MEI4: variants seen among roughly 807,000 people sequenced by gnomAD.
The protein encoded by MEI4 is meiotic double-stranded break formation protein 4.
A neutral mutation model predicts 31.4 loss-of-function variants in MEI4; 27 were observed. That is an observed-to-expected ratio of 0.86 (90% CI 0.63 to 1.19). The LOEUF is 1.19. MEI4 is among the 50% of genes most tolerant of loss of function. MEI4 has a pLI of 0.00. For synonymous variants in MEI4, 122 were observed against 145.4 expected, an observed-to-expected ratio of 0.84 and a Z score of 1.16; for missense variants, 329 against 398.9, an observed-to-expected ratio of 0.82 and a Z score of 1.49.
intron 3 of MEI4, among the ~76,000 whole-genome samples, chr6:77,809,736 T>G (rs1304578503): frequency 6.6e-6 from 1 of 152,186 alleles, no homozygotes; most frequent in African/African-American, 2.4e-5. Context: ...ACTAACTGGT[T>G]AATATTAGGG....
At chr6:77,685,929 T>C (rs1181041471) in intron 1 of MEI4, among the ~76,000 whole-genome samples, 1 of 152,154 alleles carries the variant, frequency 6.6e-6, no homozygotes, top group Non-Finnish European at 1.5e-5. Context: ...TGGAATGTGA[T>C]CTTCAAGATT....
chr6:77,670,168 T>TA (rs1411180884), intron 1 of MEI4, among the ~76,000 whole-genome samples: 1 of 152,144 alleles, frequency 6.6e-6, no homozygotes. Context: ...AATTTGCACA[T>TA]ACTGGTTTGA....
intron 3 of MEI4, among the ~76,000 whole-genome samples, chr6:77,818,388 C>T (rs1414300813): frequency 1.3e-5 from 2 of 152,020 alleles, no homozygotes; most frequent in African/African-American, 4.8e-5. Flanking sequence ...TTATATCAGT[C>T]CAATTGATTT....
At chr6:77,837,989 T>TG (rs1273557428) in intron 4 of MEI4, among the ~76,000 whole-genome samples, 3 of 152,174 alleles carry the variant, frequency 2.0e-5, no homozygotes, top group African/African-American at 7.2e-5. Context: ...ATACAGTTTT[T>TG]GGGGGTCTCA....
chr6:77,866,078 C>T (rs557198813), intron 4 of MEI4, among the ~76,000 whole-genome samples: 66 of 151,280 alleles, frequency 4.4e-4, no homozygotes, highest in African/African-American at 1.6e-3. Flanking sequence ...TGGGACGTAC[C>T]TCAAAATAAT....
At chr6:77,756,156 T>C (rs531253729) in intron 2 of MEI4, among the ~76,000 whole-genome samples, 8 of 152,302 alleles carry the variant, frequency 5.3e-5, no homozygotes, top group Middle Eastern at 6.8e-3. Flanking sequence ...GACAAGGATA[T>C]ATTAGTCTAT....
intron 2 of MEI4, among the ~76,000 whole-genome samples, chr6:77,741,989 T>G (rs1440262289): frequency 6.6e-6 from 1 of 152,082 alleles, no homozygotes; most frequent in African/African-American, 2.4e-5. Flanking sequence ...ATGGTGTATA[T>G]GTGCCACATT....
intron 4 of MEI4, among the ~76,000 whole-genome samples, chr6:77,882,764 A>G (rs766279970): frequency 2.0e-4 from 31 of 152,190 alleles, no homozygotes; most frequent in Non-Finnish European, 4.1e-4. Flanking sequence ...GTAGTATTAA[A>G]TATATTATCT....
chr6:77,770,247 A>G (rs987982302), intron 3 of MEI4, among the ~76,000 whole-genome samples: 3 of 152,052 alleles, frequency 2.0e-5, no homozygotes, highest in African/African-American at 7.2e-5. Context: ...TTCCTAACAT[A>G]TACAACCTAC....
intron 4 of MEI4, among the ~76,000 whole-genome samples, chr6:77,903,058 G>T (rs1336513082): frequency 2.6e-5 from 4 of 151,878 alleles, no homozygotes; most frequent in Non-Finnish European, 4.4e-5. Context: ...GAGTCTTCAG[G>T]GTTTTCTATA....
rs549172288 is a variant in MEI4 at position 77,734,312 on chromosome 6, T to C, written c.233-26818T>C. On this transcript the variant is annotated intron_variant, in intron 2 of 4. Coordinates refer to ENST00000684080, the MANE Select transcript of MEI4 (RefSeq NM_001322247.2). Reference sequence around the variant, plus strand: ...CTTGCTTTATGAATCTGGGTGCTCCTGTATTGGGATATATATTTAGGATAT... The same window carrying C: ...CTTGCTTTATGAATCTGGGTGCTCCCGTATTGGGATATATATTTAGGATAT... 2.2e-4 allele frequency among the ~76,000 whole-genome samples: 33 copies of C among 152,216 alleles called. No individual in the cohort carries two copies. In the South Asian group the frequency reaches 6.0e-3, roughly 28 times the overall value.
intron 4 of MEI4, among the ~76,000 whole-genome samples, chr6:77,874,774 T>C (rs4706659): frequency 0.82 from 124,792 of 151,930 alleles, 51,726 homozygotes; most frequent in East Asian, 0.95. Flanking sequence ...TTTTGAGATA[T>C]GTCCCATCAG....
chr6:77,826,531 T>C (rs1380065406), intron 3 of MEI4, among the ~76,000 whole-genome samples: 1 of 152,236 alleles, frequency 6.6e-6, no homozygotes, highest in Non-Finnish European at 1.5e-5. Flanking sequence ...AGCCTTATGA[T>C]TACTTGAAAT....
chr6:77,792,334 G>A (rs751175065), intron 3 of MEI4, among the ~76,000 whole-genome samples: 5 of 152,080 alleles, frequency 3.3e-5, no homozygotes, highest in African/African-American at 7.2e-5. Context: ...TGTCTGGATC[G>A]TATGACAGTT....
At chr6:77,791,564 G>C (rs920047301) in intron 3 of MEI4, among the ~76,000 whole-genome samples, 22 of 149,428 alleles carry the variant, frequency 1.5e-4, no homozygotes, top group African/African-American at 5.4e-4. Context: ...ATAGCATTGG[G>C]AGATATACCT....
rs79684505 is a variant in MEI4, at chr6:77,876,506, CA to C, written c.901-46576del. 8.1e-3 allele frequency among the ~76,000 whole-genome samples: 1,233 copies of C among 152,098 alleles called. 47 individuals carry two copies. In the East Asian group the frequency reaches 0.14, roughly 17 times the overall value. ...CTTCCCAGCCTCCAGAATCATGAGT[CA>C]AAAAAACTTCTGTTCTTTATAAATT... On this transcript the variant is annotated intron_variant, in intron 4 of 4. Transcript: ENST00000684080.
intron 4 of MEI4, among the ~76,000 whole-genome samples, chr6:77,830,020 G>C (rs1770041271): frequency 1.3e-5 from 2 of 151,886 alleles, no homozygotes; most frequent in African/African-American, 4.8e-5. Flanking sequence ...CATTTTCACT[G>C]TTATCAAGGA....
intron 3 of MEI4, among the ~76,000 whole-genome samples, chr6:77,807,981 G>A (rs1266552977): frequency 6.6e-6 from 1 of 152,124 alleles, no homozygotes; most frequent in African/African-American, 2.4e-5. Flanking sequence ...TACTATAACA[G>A]CAATACTATG....
chr6:77,712,430 C>A (rs1561954648), intron 2 of MEI4, among the ~76,000 whole-genome samples: 1 of 151,996 alleles, frequency 6.6e-6, no homozygotes, highest in African/African-American at 2.4e-5. Flanking sequence ...AGACACATAA[C>A]TTTATGGCAT....
Sources: gnomAD v4.1 joint callset for allele counts (sites outside exome capture counted in the v4.1 genomes callset) on GRCh38, gnomAD v4.1.1 for gene constraint, MANE v1.5 for transcripts, NCBI Gene and HGNC (gene_info 2026-07-23, HGNC 2026-07-21) for gene names.